PRR16: variants seen among roughly 807,000 people sequenced by gnomAD.
PRR16 encodes the protein protein Largen.
PRR16 carries 6 observed loss-of-function variants against 18.2 expected under a neutral mutation model. The observed-to-expected ratio is 0.33, with a 90% confidence interval of 0.18 to 0.65. The LOEUF (loss-of-function observed/expected upper bound fraction) is 0.65, where lower values mean the gene tolerates loss of function less well. Among genes scored for constraint, PRR16 ranks in the 30% least tolerant of loss-of-function variants. The pLI is 0.74. For synonymous variants in PRR16, 151 were observed against 147.8 expected (o/e 1.02, Z -0.16); for missense variants, 412 against 376.6 (o/e 1.09, Z -0.78).
chr5:120,763,711 T>C, the PRR16 span, among the ~76,000 whole-genome samples: 1 of 152,134 alleles, frequency 6.6e-6, no homozygotes, highest in Non-Finnish European at 1.5e-5. Flanking sequence ...TCTTTGTTCA[T>C]GTCTTCTTCA....
At chr5:120,691,278 G>C (rs1446568483), downstream of PRR16, among the ~76,000 whole-genome samples, 1 of 152,004 alleles carries the variant, frequency 6.6e-6, no homozygotes, top group Admixed American at 6.6e-5. Flanking sequence ...CCTTTATTCT[G>C]ATCAGTTATT....
chr5:120,577,400 C>T (rs1223916137), intron 1 of PRR16, among the ~76,000 whole-genome samples: 2 of 151,490 alleles, frequency 1.3e-5, no homozygotes, highest in African/African-American at 2.4e-5. Flanking sequence ...GCACCCATCA[C>T]GCCCACAGAC....
At chr5:120,608,931 G>T (rs1754243589) in intron 1 of PRR16, among the ~76,000 whole-genome samples, 1 of 152,070 alleles carries the variant, frequency 6.6e-6, no homozygotes, top group African/African-American at 2.4e-5. Flanking sequence ...GAATCAGAAA[G>T]GTGTCCCAAA....
the PRR16 span, among the ~76,000 whole-genome samples, chr5:120,761,259 T>A: frequency 4.1e-4 from 62 of 152,226 alleles, 1 homozygote; most frequent in South Asian, 0.012. Context: ...AACTGGATTG[T>A]TTAACTCATA....
At chr5:120,555,703 G>T (rs773188979) in intron 1 of PRR16, among the ~76,000 whole-genome samples, 6 of 151,588 alleles carry the variant, frequency 4.0e-5, no homozygotes, top group Non-Finnish European at 8.8e-5. Flanking sequence ...ATTTTGGCAG[G>T]ACACAAACAT....
the PRR16 span, among the ~76,000 whole-genome samples, chr5:120,695,999 T>C: frequency 1.3e-5 from 2 of 151,936 alleles, no homozygotes; most frequent in Non-Finnish European, 1.5e-5. Flanking sequence ...CCCCAGCACG[T>C]TGGGAGGCCA....
the PRR16 span, among the ~76,000 whole-genome samples, chr5:120,786,345 A>G: frequency 6.6e-6 from 1 of 151,784 alleles, no homozygotes; most frequent in East Asian, 1.9e-4. Context: ...AACATTGCCT[A>G]TAATAAGAAT....
chr5:120,486,021 T>G (rs1052178196), intron 1 of PRR16, among the ~76,000 whole-genome samples: 6 of 152,204 alleles, frequency 3.9e-5, no homozygotes, highest in Admixed American at 3.9e-4. Flanking sequence ...GGTGTATATG[T>G]GCCACATTTT....
At chr5:120,592,062 TC>T (rs2112775849) in intron 1 of PRR16, among the ~76,000 whole-genome samples, 1 of 151,506 alleles carries the variant, frequency 6.6e-6, no homozygotes, top group African/African-American at 2.4e-5. Context: ...TGGACGTCTA[TC>T]ACTTTCATCA....
intron 1 of PRR16, among the ~76,000 whole-genome samples, chr5:120,591,440 G>A (rs976203376): frequency 6.6e-6 from 1 of 151,702 alleles, no homozygotes; most frequent in Non-Finnish European, 1.5e-5. Flanking sequence ...GTATATAAAT[G>A]TTTTTTATAA....
intron 1 of PRR16, among the ~76,000 whole-genome samples, chr5:120,592,768 G>T (rs1233958801): frequency 6.6e-6 from 1 of 151,980 alleles, no homozygotes; most frequent in Non-Finnish European, 1.5e-5. Flanking sequence ...GTATGTAGAA[G>T]AATTTCATTA....
Position 120,532,877 on chromosome 5 carries a change from A to T in PRR16, c.159+68232A>T, listed in dbSNP as rs562143208. On this transcript the variant is annotated intron_variant, in intron 1 of 1. Transcript: ENST00000407149. ...GTAATTAGTAACTTTTGTAAATGTC[A>T]TTACAGAAACTTTTCTCTATACAAA... 1.8e-4 allele frequency among the ~76,000 whole-genome samples: 28 copies of T among 152,340 alleles called. 1 individual carries two copies. In the South Asian group the frequency reaches 5.6e-3, roughly 30 times the overall value.
intron 1 of PRR16, among the ~76,000 whole-genome samples, chr5:120,676,506 TTA>T (rs751643945): frequency 5.3e-3 from 736 of 138,512 alleles, no homozygotes; most frequent in African/African-American, 5.0e-3. Context: ...TATGTTTATT[TTA>T]TATATATATA....
intron 1 of PRR16, among the ~76,000 whole-genome samples, chr5:120,638,830 G>A (rs1454247524): frequency 1.3e-5 from 2 of 151,976 alleles, no homozygotes; most frequent in Admixed American, 1.3e-4. Flanking sequence ...GGAAGAAAAG[G>A]GAAAAATTTT....
chr5:120,543,094 A>G (rs967354529), intron 1 of PRR16, among the ~76,000 whole-genome samples: 1 of 152,156 alleles, frequency 6.6e-6, no homozygotes, highest in African/African-American at 2.4e-5. Flanking sequence ...TGTTTTTATT[A>G]TAAATCCATA....
downstream of PRR16, among the ~76,000 whole-genome samples, chr5:120,690,562 AG>A (rs1470436176): frequency 6.6e-6 from 1 of 152,216 alleles, no homozygotes; most frequent in African/African-American, 2.4e-5. Flanking sequence ...TTCTATAAAA[AG>A]CCATATCACG....
chr5:120,771,119 G>A, the PRR16 span, among the ~76,000 whole-genome samples: 5 of 151,976 alleles, frequency 3.3e-5, no homozygotes, highest in South Asian at 1.0e-3. Context: ...ATGTATTTTT[G>A]TTGACTAAGT....
intron 1 of PRR16, among the ~76,000 whole-genome samples, chr5:120,604,413 C>T (rs1597285): frequency 0.15 from 22,790 of 152,122 alleles, 2,095 homozygotes; most frequent in African/African-American, 0.27. Flanking sequence ...AGATCCTTCT[C>T]TATCCCTTTA....
At chr5:120,662,834 C>G (rs1756222736) in intron 1 of PRR16, among the ~76,000 whole-genome samples, 1 of 152,064 alleles carries the variant, frequency 6.6e-6, no homozygotes, top group Non-Finnish European at 1.5e-5. Flanking sequence ...GCTTGAAGGC[C>G]TGGGGACCTT....
Sources: gnomAD v4.1 joint callset for allele counts (sites outside exome capture counted in the v4.1 genomes callset) on GRCh38, gnomAD v4.1.1 for gene constraint, MANE v1.5 for transcripts, NCBI Gene and HGNC (gene_info 2026-07-23, HGNC 2026-07-21) for gene names.